The following WIPF1 variants were observed in gnomAD, a reference collection of about 807,000 sequenced individuals.
The protein encoded by WIPF1 is WAS/WASL interacting protein family member 1.
A neutral mutation model predicts 35.4 loss-of-function variants in WIPF1; 13 were observed. The observed-to-expected ratio is 0.37, with a 90% CI of 0.24 to 0.58. The LOEUF (loss-of-function observed/expected upper bound fraction) is 0.58, where lower values mean the gene tolerates loss of function less well. Among genes scored for constraint, WIPF1 ranks in the 20% least tolerant of loss-of-function variants. The pLI is 0.74. For synonymous variants in WIPF1, 267 were observed against 266.3 expected, an observed-to-expected ratio of 1.00 and a Z score of -0.02; for missense variants, 591 against 667.0, an observed-to-expected ratio of 0.89 and a Z score of 1.25.
At chr2:174,656,754 A>G (rs1050031215) in intron 1 of WIPF1, among the ~76,000 whole-genome samples, 5 of 152,208 alleles carry the variant, frequency 3.3e-5, no homozygotes, top group African/African-American at 9.7e-5. Context: ...GGATGAGGGC[A>G]TAGAGGCTGC....
At chr2:174,612,577 A>AGT (rs200153630) in intron 1 of WIPF1, among the ~76,000 whole-genome samples, 3,288 of 55,752 alleles carry the variant, frequency 0.059, 123 homozygotes, top group African/African-American at 0.19. Context: ...AGACATGAAC[A>AGT]GTTTTTTTTT....
intron 1 of WIPF1, among the ~76,000 whole-genome samples, chr2:174,650,774 TGC>T (rs1687519116): frequency 6.6e-6 from 1 of 152,258 alleles, no homozygotes; most frequent in Non-Finnish European, 1.5e-5. Context: ...TGATTCAATG[TGC>T]GCATGAGCTC....
intron 1 of WIPF1, among the ~76,000 whole-genome samples, chr2:174,660,131 G>A (rs1422992873): frequency 6.6e-6 from 1 of 152,124 alleles, no homozygotes; most frequent in Non-Finnish European, 1.5e-5. Flanking sequence ...AATATTTACA[G>A]GTCTGTCCTA....
chr2:174,567,556 A>G (rs1684701302), intron 6 of WIPF1, among the ~76,000 whole-genome samples: 1 of 152,238 alleles, frequency 6.6e-6, no homozygotes, highest in Admixed American at 6.5e-5. Flanking sequence ...AATGTACATA[A>G]TAAGAAGCTA....
intron 1 of WIPF1, among the ~76,000 whole-genome samples, chr2:174,588,649 G>A (rs1477351804): frequency 6.6e-6 from 1 of 152,248 alleles, no homozygotes; most frequent in Non-Finnish European, 1.5e-5. Context: ...GAGGGCTAGT[G>A]TGGGAGAAAT....
chr2:174,643,899 T>C (rs1687348430), intron 1 of WIPF1, among the ~76,000 whole-genome samples: 1 of 152,210 alleles, frequency 6.6e-6, no homozygotes, highest in Admixed American at 6.5e-5. Flanking sequence ...TTAGTTAGCA[T>C]TCACTAACCT....
At chr2:174,640,406 G>A (rs1236444855) in intron 1 of WIPF1, among the ~76,000 whole-genome samples, 1 of 145,382 alleles carries the variant, frequency 6.9e-6, no homozygotes, top group Non-Finnish European at 1.5e-5. Flanking sequence ...GCTAAATGAT[G>A]AGTTAATGGG....
At chr2:174,585,428 A>T (rs1685379289) in intron 2 of WIPF1, 95 bp downstream of exon 2, 2 of 1,297,392 alleles carry the variant, frequency 1.5e-6, no homozygotes, top group East Asian at 4.7e-5. Context: ...GTGAGCCAGA[A>T]TGCAAACACA....
At chr2:174,606,138 A>G (rs565433670) in intron 1 of WIPF1, among the ~76,000 whole-genome samples, 1 of 152,320 alleles carries the variant, frequency 6.6e-6, no homozygotes, top group South Asian at 2.1e-4. Flanking sequence ...TAAAAGTCCA[A>G]CCAACAAAAG....
At chr2:174,583,225 A>G (rs1333377291) in intron 2 of WIPF1, among the ~76,000 whole-genome samples, 1 of 152,198 alleles carries the variant, frequency 6.6e-6, no homozygotes, top group East Asian at 1.9e-4. Flanking sequence ...ATTCTCCTCT[A>G]TTGTTCTGCA....
chr2:174,645,646 C>T (rs1480423303), intron 1 of WIPF1, among the ~76,000 whole-genome samples: 1 of 152,202 alleles, frequency 6.6e-6, no homozygotes, highest in Non-Finnish European at 1.5e-5. Context: ...AGTTCTCTTG[C>T]TGGTAGACTA....
chr2:174,643,681 A>G (rs1360618173), intron 1 of WIPF1, among the ~76,000 whole-genome samples: 1 of 151,954 alleles, frequency 6.6e-6, no homozygotes, highest in Non-Finnish European at 1.5e-5. Context: ...AAGTTCTGGG[A>G]TTACAGGCGT....
chr2:174,614,280 T>C (rs896653026), intron 1 of WIPF1, among the ~76,000 whole-genome samples: 1 of 152,198 alleles, frequency 6.6e-6, no homozygotes, highest in Non-Finnish European at 1.5e-5. Flanking sequence ...AATCCTCCAC[T>C]GCAGAGAACA....
intron 4 of WIPF1, 81 bp downstream of exon 4, chr2:174,575,123 C>G (rs970509044): frequency 7.7e-6 from 11 of 1,436,840 alleles, no homozygotes; most frequent in African/African-American, 1.4e-5. Context: ...GGGCGAAGAG[C>G]CTTAGAGGCT....
chr2:174,666,874 T>G (rs946723952), intron 1 of WIPF1, among the ~76,000 whole-genome samples: 6 of 152,242 alleles, frequency 3.9e-5, no homozygotes, highest in Non-Finnish European at 8.8e-5. Flanking sequence ...ATCCTAGCTC[T>G]GCCTCTAGTT....
chr2:174,601,407 G>A (rs1686004411), upstream of WIPF1, among the ~76,000 whole-genome samples: 1 of 152,208 alleles, frequency 6.6e-6, no homozygotes, highest in Non-Finnish European at 1.5e-5. Flanking sequence ...GTCTTATGCA[G>A]TGCAGGTGGC....
chr2:174,670,761 G>C (rs998589476), intron 1 of WIPF1, among the ~76,000 whole-genome samples: 2 of 152,204 alleles, frequency 1.3e-5, no homozygotes, highest in Non-Finnish European at 2.9e-5. Context: ...CTAACAGTCA[G>C]GTCAGAATTC....
At chr2:174,649,684 T>C (rs896327521) in intron 1 of WIPF1, among the ~76,000 whole-genome samples, 1 of 152,174 alleles carries the variant, frequency 6.6e-6, no homozygotes, top group African/African-American at 2.4e-5. Context: ...GCTGTGCCTT[T>C]ATATGTAGGA....
intron 1 of WIPF1, among the ~76,000 whole-genome samples, chr2:174,589,906 A>C (rs1215992570): frequency 1.3e-4 from 20 of 152,146 alleles, no homozygotes. Context: ...TATTTTATGC[A>C]TTTAAACGTA....
Sources: gnomAD v4.1 joint callset for allele counts (sites outside exome capture counted in the v4.1 genomes callset) on GRCh38, gnomAD v4.1.1 for gene constraint, MANE v1.5 for transcripts, NCBI Gene and HGNC (gene_info 2026-07-23, HGNC 2026-07-21) for gene names.